The following NADK variants were observed in gnomAD, a reference collection of about 807,000 sequenced individuals.
NADK encodes the protein poly(P)/ATP NAD kinase.
In NADK, 22 loss-of-function variants were observed where a neutral mutation model predicts 49.8. That is an observed-to-expected ratio of 0.44 (90% CI 0.32 to 0.63). The LOEUF is 0.63. Among genes scored for constraint, NADK ranks in the 30% least tolerant of loss-of-function variants. NADK has a pLI of 0.06. For missense variants in NADK, 438 were observed against 609.4 expected (o/e 0.72, Z 2.96); for synonymous variants, 268 against 253.7 (o/e 1.06, Z -0.54).
rs147116706 is a variant in NADK at position 1,754,624 on chromosome 1, C to T, written c.763G>A (p.Val255Met). The part of the protein sequence containing the change: ...VKELRGKKTA[V>M]HNGLGENGSQ... ...CCGTTCTCACCCAGCCCATTGTGCA[C>T]GGCCGTCTTCTTCCCCCGGAGCTCC... Residue 255 changes from valine to methionine, a missense_variant, in exon 8 of 12, where the codon GTG becomes ATG. Transcript: ENST00000341426. This position sits in a 1 kb window ranked among gnomAD's most constrained non-coding sequence, Gnocchi z 4.3. The T allele has an allele frequency of 4.3e-4, 691 of 1,613,912 alleles. 3 individuals carry two copies. Among genetic ancestry groups the T allele is most frequent in the African/African-American group, 6.0e-4 (45 of 75,036 alleles).
rs1350774919 is a variant in NADK, at chr1:1,753,907, G to A, written c.1101+144C>T. ...CACCAGCAAGGGAAGGCTTGCATCT[G>A]AGGGGGCACAGGATGGCCCTAGGAT... On this transcript the variant is annotated intron_variant, in intron 10 of 11. Coordinates refer to ENST00000341426, the MANE Select transcript of NADK (RefSeq NM_023018.5). 2.0e-5 allele frequency: 22 copies of A among 1,108,440 alleles called. No individual in the cohort carries two copies. The South Asian group carries it at 2.8e-4, about 14-fold the overall frequency. 68.7% of individuals were successfully genotyped at this position (1,108,440 alleles called of 1,614,324 possible).
intron 2 of NADK, 61 bp downstream of exon 2, chr1:1,765,167 A>G: frequency 6.9e-7 from 1 of 1,447,906 alleles, no homozygotes; most frequent in Non-Finnish European, 9.3e-7. Flanking sequence ...TAATCGTTTT[A>G]AGAAAGAATA....
chr1:1,765,203 G>A (rs770035550), intron 2 of NADK, 25 bp downstream of exon 2: 1 of 1,541,432 alleles, frequency 6.5e-7, no homozygotes, highest in Non-Finnish European at 8.7e-7. Context: ...AGAAAAAAAA[G>A]AGGAACCATC....
At chr1:1,756,196 C>G (rs148233793) in intron 6 of NADK, 62 bp downstream of exon 6, 10 of 1,434,026 alleles carry the variant, frequency 7.0e-6, no homozygotes, top group Non-Finnish European at 9.8e-6. Context: ...TGCTTGTGAG[C>G]CCCTCGTTAC....
intron 2 of NADK, among the ~76,000 whole-genome samples, chr1:1,764,994 G>A (rs61774979): frequency 0.09 from 13,709 of 152,238 alleles, 1,733 homozygotes; most frequent in African/African-American, 0.28. Context: ...CAGACAGATA[G>A]AGAAACACGG....
intron 3 of NADK, among the ~76,000 whole-genome samples, chr1:1,761,312 G>A (rs1295009097): frequency 6.6e-6 from 1 of 152,074 alleles, no homozygotes; most frequent in Non-Finnish European, 1.5e-5. Context: ...TTTTTGTAGG[G>A]ATGGGCTTTC....
rs70937193 is a variant in NADK, at chr1:1,766,410, CAAAAAAAAAAAAAAAAAAAAAAA to C, written c.-40-987_-40-965del. On this transcript the variant is annotated intron_variant, in intron 1 of 11. Transcript: ENST00000341426. Reference sequence around the variant, plus strand: ...AACAAGAACGAAAGAAACTCCGTCTCAAAAAAAAAAAAAAAAAAAAAAAAAAAAAAAAAAAAAAAAGACAGGCT... The same window carrying C: ...AACAAGAACGAAAGAAACTCCGTCTCAAAAAAAAAAAAAAAAAGACAGGCT... Among the ~76,000 whole-genome samples, 228 of 27,004 alleles carry C rather than the reference CAAAAAAAAAAAAAAAAAAAAAAA, an allele frequency of 8.4e-3. 7 individuals carry two copies. Among genetic ancestry groups the C allele is most frequent in the Admixed American group, 0.042 (63 of 1,506 alleles). The allele number at this position is 27,004 out of a possible 152,430, so 17.7% of individuals were successfully genotyped here. A position where few individuals can be genotyped will look rare whatever the true frequency, so the allele number is the denominator to read the frequency against.
chr1:1,759,974 A>C, intron 3 of NADK: 1 of 1,489,014 alleles, frequency 6.7e-7, no homozygotes, highest in Non-Finnish European at 9.1e-7. Context: ...CCAGGGACAC[A>C]GCAAGCACAG....
intron 3 of NADK, chr1:1,759,383 C>A: frequency 7.9e-7 from 1 of 1,266,656 alleles, no homozygotes; most frequent in Non-Finnish European, 1.1e-6. Flanking sequence ...GTGAAGCCAG[C>A]ATGGCCACAG....
intron 1 of NADK, among the ~76,000 whole-genome samples, chr1:1,777,960 AG>A (rs987794197): frequency 1.7e-4 from 26 of 152,306 alleles, no homozygotes; most frequent in South Asian, 1.0e-3. Flanking sequence ...CACCCACGGA[AG>A]GCCGGACACC....
intron 3 of NADK, among the ~76,000 whole-genome samples, chr1:1,761,501 G>C (rs565678116): frequency 6.6e-6 from 1 of 152,136 alleles, no homozygotes; most frequent in Non-Finnish European, 1.5e-5. Flanking sequence ...ACACTATGAC[G>C]GGCCTCCAGG....
chr1:1,780,063 G>A (rs1646325330), upstream of NADK: 1 of 152,182 alleles, frequency 6.6e-6, no homozygotes, highest in South Asian at 2.1e-4. Context: ...GAGAACTTGG[G>A]GGATTTCTTA....
intron 1 of NADK, among the ~76,000 whole-genome samples, chr1:1,774,323 C>T (rs1268770794): frequency 1.3e-5 from 2 of 152,006 alleles, no homozygotes; most frequent in South Asian, 4.1e-4. Context: ...CTCTGCCTCC[C>T]AGGTTCAAGC....
In NADK at chr1:1,764,365, G is replaced by A. The variant is rs189568920; in HGVS notation, c.179+863C>T. On this transcript the variant is annotated intron_variant, in intron 2 of 11. Transcript: ENST00000341426. ...TCACAGCTGTGCTTGTGCGGCCACCGTCATGCAAAGCCCGGGGCGCTGTTG... is the reference window on the plus strand; with the variant it reads ...TCACAGCTGTGCTTGTGCGGCCACCATCATGCAAAGCCCGGGGCGCTGTTG... 3.1e-3 allele frequency among the ~76,000 whole-genome samples: 465 copies of A among 152,310 alleles called. 5 individuals are homozygous for A. Among genetic ancestry groups the A allele is most frequent in the African/African-American group, 0.01 (418 of 41,558 alleles).
At chr1:1,759,280 G>C (rs751837071) in intron 3 of NADK, 15 of 1,525,494 alleles carry the variant, frequency 9.8e-6, no homozygotes, top group Non-Finnish European at 1.3e-5. Context: ...AGGCACGCAC[G>C]GCTGTGGGTA....
At chr1:1,765,104 C>T (rs992336289) in intron 2 of NADK, 124 bp downstream of exon 2, 1 of 1,001,430 alleles carries the variant, frequency 1.0e-6, no homozygotes, top group African/African-American at 1.6e-5. Context: ...TGGGCAAGGA[C>T]CCAGCCTCAC....
chr1:1,775,934 G>C (rs949893798), intron 1 of NADK, among the ~76,000 whole-genome samples: 1 of 152,192 alleles, frequency 6.6e-6, no homozygotes, highest in Non-Finnish European at 1.5e-5. Flanking sequence ...CACTTGTCCA[G>C]AACGGCTGAA....
At chr1:1,758,471 G>C in intron 3 of NADK, 1 of 1,612,394 alleles carries the variant, frequency 6.2e-7, no homozygotes, top group Non-Finnish European at 8.5e-7. Flanking sequence ...CTGCCTGCTG[G>C]GAGCCGGCCA....
intron 3 of NADK, 94 bp downstream of exon 3, chr1:1,761,858 G>A (rs1433310924): frequency 8.9e-7 from 1 of 1,117,984 alleles, no homozygotes; most frequent in African/African-American, 1.5e-5. Context: ...CACATCCCGA[G>A]GACTCCCCCA....
Sources: gnomAD v4.1 joint callset for allele counts (sites outside exome capture counted in the v4.1 genomes callset) on GRCh38, gnomAD v4.1.1 for gene constraint, Gnocchi (gnomAD v3.1) non-coding constraint, MANE v1.5 for transcripts, NCBI Gene and HGNC (gene_info 2026-07-23, HGNC 2026-07-21) for gene names.